The following TATDN3 variants were observed in gnomAD, a reference collection of about 807,000 sequenced individuals.
TATDN3 encodes TatD DNase domain containing 3, also known as deoxyribonuclease TATDN3.
In TATDN3, 29 loss-of-function variants were observed where a neutral mutation model predicts 40.1. The ratio of observed to expected loss-of-function variants is 0.72; its 90% CI spans 0.54 to 0.99. The LOEUF (loss-of-function observed/expected upper bound fraction) is 0.99, where lower values mean the gene tolerates loss of function less well. Among genes scored for constraint, TATDN3 ranks in the 50% least tolerant of loss-of-function variants. The pLI is 0.00. For missense variants in TATDN3, 309 were observed against 321.9 expected (o/e 0.96, Z 0.31); for synonymous variants, 105 against 117.0 (o/e 0.90, Z 0.66).
chr1:212,811,492 G>A (rs1662873063), intron 8 of TATDN3, among the ~76,000 whole-genome samples: 4 of 151,650 alleles, frequency 2.6e-5, no homozygotes, highest in Admixed American at 2.6e-4. Flanking sequence ...TCGAACTCCT[G>A]GTCTCAAGTG....
In TATDN3 at chr1:212,802,782, ATCAAACAGC is replaced by A; in HGVS notation, c.321+21_321+29del. 6.4e-7 allele frequency: 1 copy of A among 1,552,116 alleles called. No individual in the cohort carries two copies. The highest frequency in any genetic ancestry group is 8.9e-7 in the Non-Finnish European group (1 of 1,124,076). On this transcript the variant is annotated intron_variant, in intron 5 of 9. Transcript: ENST00000366974. The stretch of plus-strand genomic sequence containing the variant: ...TGGAGAGGTAAACACCCACTAACTG[ATCAAACAGC>A]TTCTAATTCAGACTTCTATATGATA...
chr1:212,812,404 T>A, intron 9 of TATDN3, 76 bp downstream of exon 9: 1 of 833,726 alleles, frequency 1.2e-6, no homozygotes, highest in Non-Finnish European at 1.9e-6. Context: ...GCTGTATTTC[T>A]CATTATAGTG....
At chr1:212,800,159 A>G (rs941543376) in intron 4 of TATDN3, among the ~76,000 whole-genome samples, 2 of 152,206 alleles carry the variant, frequency 1.3e-5, no homozygotes, top group African/African-American at 4.8e-5. Context: ...GAATTAATTA[A>G]TTCATTCAAT....
intron 2 of TATDN3, among the ~76,000 whole-genome samples, chr1:212,795,914 G>A (rs904404373): frequency 6.6e-6 from 1 of 152,194 alleles, no homozygotes; most frequent in Non-Finnish European, 1.5e-5. Flanking sequence ...AACTGATAGA[G>A]ACAAGTTAGT....
In TATDN3 at chr1:212,812,285, T is replaced by C. The variant is rs764059755; in HGVS notation, c.638T>C (p.Ile213Thr). The C allele has an allele frequency of 1.9e-6, 3 of 1,584,520 alleles. No individual in the cohort carries two copies. The highest frequency in any genetic ancestry group is 2.4e-5 in the South Asian group (2 of 84,874). Residue 213 changes from isoleucine to threonine, a missense_variant, in exon 9 of 10, where the codon ATA (isoleucine) becomes ACA (threonine). By Grantham distance (89) the Ile-to-Thr change is moderately conservative. Transcript: ENST00000366974. Reference sequence around the variant, plus strand: ...GTGAAACAATTGCCTTTAACTTCTATATGCTTAGAAACAGATTCACCTGCA... The same window carrying C: ...GTGAAACAATTGCCTTTAACTTCTACATGCTTAGAAACAGATTCACCTGCA... ...KLVKQLPLTSICLETDSPALG... is the reference protein window; with the variant it reads ...KLVKQLPLTSTCLETDSPALG...
chr1:212,794,575 A>G, intron 1 of TATDN3: 1 of 344,158 alleles, frequency 2.9e-6, no homozygotes, highest in Non-Finnish European at 5.8e-6. Flanking sequence ...GGGAGACAAG[A>G]GTGAAACTTC....
intron 9 of TATDN3, among the ~76,000 whole-genome samples, chr1:212,813,896 A>C (rs1204604482): frequency 6.6e-6 from 1 of 151,878 alleles, no homozygotes; most frequent in Non-Finnish European, 1.5e-5. Context: ...TTTTTAGTGC[A>C]CATATATTTC....
chr1:212,793,933 T>A (rs1236154229), intron 1 of TATDN3, among the ~76,000 whole-genome samples: 1 of 152,088 alleles, frequency 6.6e-6, no homozygotes, highest in South Asian at 2.1e-4. Flanking sequence ...CAAATGAAGA[T>A]GTCATAATTT....
intron 4 of TATDN3, among the ~76,000 whole-genome samples, chr1:212,798,378 A>C (rs1006831556): frequency 7.2e-5 from 11 of 151,818 alleles, no homozygotes; most frequent in African/African-American, 2.7e-4. Flanking sequence ...AAGATACCTT[A>C]GGTAGCTAGC....
intron 9 of TATDN3, among the ~76,000 whole-genome samples, chr1:212,813,557 CTTTCT>C (rs1455413142): frequency 1.4e-5 from 2 of 139,336 alleles, no homozygotes; most frequent in Non-Finnish European, 3.1e-5. Flanking sequence ...TTTTTATTTT[CTTTCT>C]TTTCTTTTTT....
chr1:212,815,181 C>T lies in TATDN3; in HGVS notation c.*25C>T, dbSNP rs1477365794. 3 of 1,594,768 alleles carry T rather than the reference C, an allele frequency of 1.9e-6. No homozygotes were observed. Among genetic ancestry groups the T allele is most frequent in the Non-Finnish European group, 2.6e-6 (3 of 1,173,382 alleles). ...GCTTCAAAACCATCCATTACAAAAT[C>T]GAATCAACTGCAGGGGGCAGCATTT... On this transcript the variant is annotated 3_prime_UTR_variant, in exon 10 of 10. Coordinates refer to ENST00000366974, the MANE Select transcript of TATDN3 (RefSeq NM_001042552.3).
At chr1:212,813,591 G>A (rs561475213) in intron 9 of TATDN3, among the ~76,000 whole-genome samples, 3 of 144,968 alleles carry the variant, frequency 2.1e-5, no homozygotes, top group Non-Finnish European at 3.0e-5. Context: ...TTTGAGACAG[G>A]GTCTACTCTG....
At chr1:212,811,710 A>AT (rs879759579) in intron 8 of TATDN3, among the ~76,000 whole-genome samples, 4,694 of 146,568 alleles carry the variant, frequency 0.032, 128 homozygotes, top group Middle Eastern at 0.045. Context: ...TATTATTATT[A>AT]TTTTTTTTTT....
chr1:212,807,602 C>T (rs1335982321), intron 7 of TATDN3, 134 bp from the exon 8 acceptor site: 4 of 579,034 alleles, frequency 6.9e-6, no homozygotes, highest in Admixed American at 3.7e-5. Context: ...TACATTTATC[C>T]GCCCTTTAGA....
intron 8 of TATDN3, among the ~76,000 whole-genome samples, chr1:212,810,091 C>T (rs192108235): frequency 6.6e-5 from 10 of 152,030 alleles, no homozygotes; most frequent in African/African-American, 1.2e-4. Flanking sequence ...GGGCCAGGCA[C>T]GGAGGCTCAT....
intron 4 of TATDN3, among the ~76,000 whole-genome samples, chr1:212,798,410 T>C (rs1456529683): frequency 1.3e-5 from 2 of 151,312 alleles, no homozygotes; most frequent in African/African-American, 2.4e-5. Context: ...CAAAATAAAA[T>C]TCATGACCAG....
intron 9 of TATDN3, among the ~76,000 whole-genome samples, chr1:212,812,732 G>C (rs915963439): frequency 1.3e-5 from 2 of 152,178 alleles, no homozygotes; most frequent in South Asian, 4.1e-4. Context: ...GCTGGGCACG[G>C]TGGCTCACAC....
chr1:212,797,382 A>G, intron 4 of TATDN3, 186 bp downstream of exon 4: 2 of 565,272 alleles, frequency 3.5e-6, no homozygotes, highest in South Asian at 2.3e-5. Context: ...AACAGCCTAG[A>G]GGTTCAGAAA....
chr1:212,814,586 T>C (rs1470895390), intron 9 of TATDN3, among the ~76,000 whole-genome samples: 1 of 152,216 alleles, frequency 6.6e-6, no homozygotes, highest in East Asian at 1.9e-4. Flanking sequence ...CAGTACATAA[T>C]CTATTTCATC....
Sources: gnomAD v4.1 joint callset for allele counts (sites outside exome capture counted in the v4.1 genomes callset) on GRCh38, gnomAD v4.1.1 for gene constraint, MANE v1.5 for transcripts, NCBI Gene and HGNC (gene_info 2026-07-23, HGNC 2026-07-21) for gene names.